Variants in FRMD4A observed in about 807,000 individuals in gnomAD.
FRMD4A encodes the protein FERM domain containing 4A.
A neutral mutation model predicts 129.1 loss-of-function variants in FRMD4A; 29 were observed. The ratio of observed to expected loss-of-function variants is 0.22; its 90% CI spans 0.17 to 0.31. The LOEUF (loss-of-function observed/expected upper bound fraction) is 0.31. Among genes scored for constraint, FRMD4A ranks in the 10% least tolerant of loss-of-function variants. The pLI, the probability that FRMD4A is intolerant of heterozygous loss-of-function variation, is 1.00. For missense variants in FRMD4A, 1,272 were observed against 1,375.8 expected, an observed-to-expected ratio of 0.92 and a Z score of 1.19; for synonymous variants, 634 against 571.6, an observed-to-expected ratio of 1.11 and a Z score of -1.56.
rs146134229 is a variant in FRMD4A at position 14,057,631 on chromosome 10, C to T, written c.46-198719G>A. 2.9e-3 allele frequency among the ~76,000 whole-genome samples: 439 copies of T among 151,676 alleles called. 5 individuals carry two copies. The highest frequency in any genetic ancestry group is 0.01 in the African/African-American group (415 of 41,318). ...TGTTGCCCAGGCTGGAATGCAATGGCGCGATCTCTGCTCACCACAACCTCC... is the reference window on the plus strand; with the variant it reads ...TGTTGCCCAGGCTGGAATGCAATGGTGCGATCTCTGCTCACCACAACCTCC... On this transcript the variant is annotated intron_variant, in intron 2 of 24. Coordinates refer to ENST00000357447, the MANE Select transcript of FRMD4A (RefSeq NM_018027.5).
chr10:14,075,431 T>C (rs11813755), intron 2 of FRMD4A, among the ~76,000 whole-genome samples: 6,559 of 152,288 alleles, frequency 0.043, 229 homozygotes, highest in East Asian at 0.16. Flanking sequence ...CCAAGGTCTA[T>C]AGAGATTACG....
intron 2 of FRMD4A, among the ~76,000 whole-genome samples, chr10:14,281,813 C>T (rs1845528341): frequency 1.3e-5 from 2 of 152,162 alleles, no homozygotes; most frequent in South Asian, 4.1e-4. Flanking sequence ...CCACTTGCTT[C>T]CAATGTAGGT....
chr10:13,784,479 T>A (rs140621804), intron 5 of FRMD4A, among the ~76,000 whole-genome samples: 1 of 152,222 alleles, frequency 6.6e-6, no homozygotes, highest in African/African-American at 2.4e-5. Context: ...TATTCATTTA[T>A]AGTAATTAAT....
intron 2 of FRMD4A, among the ~76,000 whole-genome samples, chr10:14,103,680 C>T (rs1837428857): frequency 6.6e-6 from 1 of 152,112 alleles, no homozygotes; most frequent in South Asian, 2.1e-4. Context: ...ATATCAGGCT[C>T]TCATTAGTAC....
At chr10:14,073,033 A>T (rs970901605) in intron 2 of FRMD4A, among the ~76,000 whole-genome samples, 4 of 142,654 alleles carry the variant, frequency 2.8e-5, no homozygotes, top group Non-Finnish European at 5.9e-5. Flanking sequence ...ATAAAAAAAT[A>T]ATAGCTTTAG....
intron 2 of FRMD4A, among the ~76,000 whole-genome samples, chr10:13,940,258 G>A (rs2095281046): frequency 6.6e-6 from 1 of 152,126 alleles, no homozygotes; most frequent in Non-Finnish European, 1.5e-5. Flanking sequence ...CAAGGTCACA[G>A]ATTGGCTTTT....
At chr10:13,754,080 T>C (rs2091752861) in intron 8 of FRMD4A, among the ~76,000 whole-genome samples, 2 of 152,190 alleles carry the variant, frequency 1.3e-5, no homozygotes, top group Non-Finnish European at 2.9e-5. Context: ...TTTCTCAGTA[T>C]CACCCTTTAG....
chr10:14,234,371 C>T (rs1327137818), intron 2 of FRMD4A, among the ~76,000 whole-genome samples: 1 of 152,178 alleles, frequency 6.6e-6, no homozygotes, highest in Non-Finnish European at 1.5e-5. Flanking sequence ...CTGTTTTTAT[C>T]GTTGTGCATT....
At chr10:13,754,578 G>A (rs2091776753) in intron 8 of FRMD4A, among the ~76,000 whole-genome samples, 1 of 148,720 alleles carries the variant, frequency 6.7e-6, no homozygotes, top group Non-Finnish European at 1.5e-5. Context: ...GTGTGTGTGT[G>A]TGTGTGTGTG....
chr10:14,161,051 T>C (rs1840859535), intron 2 of FRMD4A, among the ~76,000 whole-genome samples: 1 of 151,930 alleles, frequency 6.6e-6, no homozygotes, highest in African/African-American at 2.4e-5. Flanking sequence ...GCCTCCCGGG[T>C]TCAAGTGATT....
At chr10:13,733,168 G>C (rs970187132) in intron 12 of FRMD4A, among the ~76,000 whole-genome samples, 3 of 152,244 alleles carry the variant, frequency 2.0e-5, no homozygotes, top group African/African-American at 7.2e-5. Context: ...TGGGATCAGG[G>C]TGTGGGGCTT....
intron 2 of FRMD4A, among the ~76,000 whole-genome samples, chr10:14,166,858 C>T (rs114313930): frequency 7.7e-4 from 117 of 152,318 alleles, no homozygotes; most frequent in African/African-American, 2.7e-3. Context: ...TATCAAACCC[C>T]ATGAGCCCTT....
chr10:13,842,194 T>A (rs1031813847), intron 3 of FRMD4A, among the ~76,000 whole-genome samples: 1 of 152,164 alleles, frequency 6.6e-6, no homozygotes. Flanking sequence ...CAAACAATTA[T>A]CCCAAGAATA....
intron 2 of FRMD4A, among the ~76,000 whole-genome samples, chr10:13,993,355 G>A (rs1023598151): frequency 5.9e-5 from 9 of 152,138 alleles, no homozygotes; most frequent in African/African-American, 2.2e-4. Flanking sequence ...GACTTGGCTG[G>A]GACCCCAGAA....
rs879719777 is a variant in FRMD4A, at chr10:14,048,867, GAATAGA to G, written c.46-189961_46-189956del. Among the ~76,000 whole-genome samples the G allele has an allele frequency of 5.0e-3, 670 of 135,148 alleles. 3 individuals are homozygous for G. The highest frequency in any genetic ancestry group is 0.019 in the Middle Eastern group (5 of 268). 88.7% of individuals were successfully genotyped at this position (135,148 alleles called of 152,430 possible). A position where few individuals can be genotyped will look rare whatever the true frequency, so the allele number is the denominator to read the frequency against. On this transcript the variant is annotated intron_variant, in intron 2 of 24. Coordinates refer to ENST00000357447, the MANE Select transcript of FRMD4A (RefSeq NM_018027.5). ...GAATAGAATAGAATAGAATAGAATA[GAATAGA>G]ATAGAATAGAATAGAATAGAATAGA...
At chr10:13,808,629 C>G (rs2093396675) in intron 4 of FRMD4A, among the ~76,000 whole-genome samples, 1 of 152,240 alleles carries the variant, frequency 6.6e-6, no homozygotes, top group Non-Finnish European at 1.5e-5. Context: ...CACGGCCTCA[C>G]CACTGCCCAG....
At chr10:14,047,797 C>A (rs1026136799) in intron 2 of FRMD4A, among the ~76,000 whole-genome samples, 11 of 152,176 alleles carry the variant, frequency 7.2e-5, no homozygotes, top group African/African-American at 2.7e-4. Context: ...AGTGGCAAAG[C>A]GGTGACTTGG....
chr10:13,778,019 T>C (rs1053695514), intron 6 of FRMD4A, among the ~76,000 whole-genome samples: 1 of 151,872 alleles, frequency 6.6e-6, no homozygotes, highest in East Asian at 1.9e-4. Context: ...GTCAGGCTGG[T>C]CTCGAACTCC....
intron 2 of FRMD4A, among the ~76,000 whole-genome samples, chr10:14,180,899 G>C (rs1387759983): frequency 6.6e-6 from 1 of 152,174 alleles, no homozygotes; most frequent in Non-Finnish European, 1.5e-5. Context: ...GTCAAGTATA[G>C]GATCTACTGT....
Sources: allele counts gnomAD v4.1 joint callset (sites outside exome capture counted in the v4.1 genomes callset), GRCh38; gene constraint gnomAD v4.1.1; transcripts MANE v1.5; gene names NCBI Gene and HGNC (gene_info 2026-07-23, HGNC 2026-07-21).